NLRX1: variants seen among roughly 807,000 people sequenced by gnomAD.
NLRX1 encodes the protein NOD-like receptor X1.
Under a neutral mutation model 74.2 loss-of-function variants are expected in NLRX1, and 67 were observed. The observed-to-expected ratio is 0.90, with a 90% confidence interval of 0.74 to 1.11. The LOEUF (loss-of-function observed/expected upper bound fraction) is 1.11. Among genes scored for constraint, NLRX1 ranks in the 50% least tolerant of loss-of-function variants. The pLI, the probability that NLRX1 is intolerant of heterozygous loss-of-function variation, is 0.00. For missense variants in NLRX1, 1,191 were observed against 1,305.4 expected (o/e 0.91, Z 1.35); for synonymous variants, 506 against 559.1 (o/e 0.91, Z 1.34).
chr11:119,180,572 A>G (rs1422935950), intron 7 of NLRX1, among the ~76,000 whole-genome samples: 1 of 151,968 alleles, frequency 6.6e-6, no homozygotes, highest in Non-Finnish European at 1.5e-5. Context: ...ATGGTGGTGC[A>G]TGCCTGTAAT....
Position 119,174,704 on chromosome 11 carries a change from C to T in NLRX1, c.1101C>T (p.Ala367=), listed in dbSNP as rs745554151. ...AGGGGCACCACCAGATAGCCGCTGC[C>T]TGCTTCCTGCCGTCCTATTGCTGGC... ...NLEGHHQIAA[A]CFLPSYCWLV... is the part of the protein sequence containing the mutation. Residue 367 remains alanine, a synonymous_variant, in exon 6 of 10, where the codon GCC becomes GCT. Transcript: ENST00000409109. The T allele has an allele frequency of 1.2e-6, 2 of 1,613,854 alleles. No homozygotes were observed. Among genetic ancestry groups the T allele is most frequent in the Non-Finnish European group, 1.7e-6 (2 of 1,180,052 alleles).
chr11:119,171,990 C>T (rs564436251), intron 2 of NLRX1, among the ~76,000 whole-genome samples: 60 of 151,868 alleles, frequency 4.0e-4, no homozygotes, highest in African/African-American at 1.2e-3. Flanking sequence ...AGATCATCTT[C>T]GAGAGTCTCT....
chr11:119,179,096 G>A (rs1019817134), intron 6 of NLRX1, among the ~76,000 whole-genome samples: 19 of 152,284 alleles, frequency 1.2e-4, no homozygotes, highest in African/African-American at 4.6e-4. Context: ...CATCGTAGTC[G>A]GCAGGGCCCA....
intron 8 of NLRX1, chr11:119,181,483 T>C (rs1161551053): frequency 7.6e-6 from 4 of 528,964 alleles, no homozygotes; most frequent in Non-Finnish European, 1.4e-5. Context: ...GTGGCTAAAA[T>C]CAGCCTGGGG....
chr11:119,183,118 C>G lies in NLRX1; in HGVS notation c.2607C>G (p.His869Gln). 6.2e-7 allele frequency: 1 copy of G among 1,613,624 alleles called. No homozygotes were observed. The highest frequency in any genetic ancestry group is 8.5e-7 in the Non-Finnish European group (1 of 1,179,806). Residue 869 changes from histidine (H) to glutamine (Q), a missense_variant and splice_region_variant, in exon 10 of 10, where the codon CAC (histidine) becomes CAG (glutamine). His to Gln is a conservative substitution (Grantham distance 24). Transcript: ENST00000409109. This position sits in a 1 kb window ranked among gnomAD's most constrained non-coding sequence, Gnocchi z 5.7. ...AREHPSLELLHLYFNELSSEG... is the reference protein window; with the variant it reads ...AREHPSLELLQLYFNELSSEG... ...GCATCGACTTTCTCTCTCCTGCCAG[C>G]CTCTACTTCAATGAGCTGAGCTCAG...
rs766402112 is a variant in NLRX1, at chr11:119,182,077, G to A, written c.2355-17G>A. ...TCTCAATGAGCCCTCATAACCTTGGGTTGCACGTGGCTGTAGGCTGTCCAA... is the reference window on the plus strand; with the variant it reads ...TCTCAATGAGCCCTCATAACCTTGGATTGCACGTGGCTGTAGGCTGTCCAA... On this transcript the variant is annotated splice_polypyrimidine_tract_variant and intron_variant, in intron 8 of 9. Coordinates refer to ENST00000409109, the MANE Select transcript of NLRX1 (RefSeq NM_001282144.2). 4.0e-5 allele frequency: 65 copies of A among 1,612,090 alleles called. 1 individual carries two copies. In the Admixed American group the frequency reaches 1.0e-3, roughly 26 times the overall value.
chr11:119,173,936 G>A lies in NLRX1; in HGVS notation c.687G>A (p.Leu229=). ...RYTPLKEVLP[L]MAAAGSHLLF... ...CGCCCCTGAAGGAGGTTCTGCCCCT[G>A]ATGGCTGCTGCTGGGTCCCACCTCC... The change falls in exon 5 of 10, where the codon CTG becomes CTA. Residue 229 remains leucine, a synonymous_variant. Transcript: ENST00000409109. The surrounding 1 kb of genome is among the most constrained non-coding windows in gnomAD (Gnocchi z 4.0). 6.2e-7 allele frequency: 1 copy of A among 1,613,940 alleles called. No individual in the cohort carries two copies. Among genetic ancestry groups the A allele is most frequent in the Non-Finnish European group, 8.5e-7 (1 of 1,180,034 alleles).
rs61730045 is a variant in NLRX1, at chr11:119,183,342, G to T, written c.2831G>T (p.Arg944Leu). The T allele has an allele frequency of 6.2e-7, 1 of 1,614,220 alleles. No individual in the cohort carries two copies. The highest frequency in any genetic ancestry group is 1.7e-5 in the Admixed American group (1 of 60,026). ...CTACTGCGGGATCTGGAAGATAGCC[G>T]GGGTGCCACCCTTAATCCTTGGCGC... The part of the protein sequence containing the change: ...ELLLRDLEDS[R>L]GATLNPWRKA... The change falls in exon 10 of 10, where the codon CGG becomes CTG. Residue 944 changes from arginine to leucine, a missense_variant. Coordinates refer to ENST00000409109, the MANE Select transcript of NLRX1 (RefSeq NM_001282144.2). The surrounding 1 kb of genome is among the most constrained non-coding windows in gnomAD (Gnocchi z 5.7).
chr11:119,168,511 C>T (rs1948456433), upstream of NLRX1: 1 of 152,234 alleles, frequency 6.6e-6, no homozygotes, highest in African/African-American at 2.4e-5. Flanking sequence ...CTCAGGGAGG[C>T]CCAGGGGTAA....
intron 5 of NLRX1, 149 bp downstream of exon 5, chr11:119,174,247 T>G (rs1170015022): frequency 3.4e-6 from 4 of 1,160,346 alleles, no homozygotes; most frequent in African/African-American, 3.1e-5. Flanking sequence ...CCTTTCTTTT[T>G]GAGTTGCTCT....
chr11:119,182,251 C>T lies in NLRX1; in HGVS notation c.2512C>T (p.Gln838Ter). Residue 838 changes from glutamine (Q) to a stop codon, truncating the protein, a stop_gained, in exon 9 of 10, where the codon CAG becomes TAG. Transcript: ENST00000409109. LOFTEE classifies it high-confidence loss of function. The part of the protein sequence containing the change: ...AAQLDRNRQL[Q>*]ELNVAYNGAG... ...CCAGCTGGACCGCAACCGGCAGCTG[C>T]AGGAGCTGAACGTGGCGTACAACGG... 6.2e-7 allele frequency: 1 copy of T among 1,613,836 alleles called. No homozygotes were observed. The highest frequency in any genetic ancestry group is 8.5e-7 in the Non-Finnish European group (1 of 1,180,034).
chr11:119,172,272 G>A, intron 2 of NLRX1, 84 bp from the exon 3 acceptor site: 1 of 1,058,486 alleles, frequency 9.4e-7, no homozygotes, highest in African/African-American at 1.6e-5. Flanking sequence ...TGCTATGAGA[G>A]CAAATACTGG....
chr11:119,173,467 C>T lies in NLRX1; in HGVS notation c.230-12C>T. The T allele has an allele frequency of 1.2e-6, 2 of 1,608,278 alleles. No individual in the cohort carries two copies. The highest frequency in any genetic ancestry group is 1.7e-6 in the Non-Finnish European group (2 of 1,177,374). ...CCTTTCCCTGACACATTTCCCTTAT[C>T]TTCCCACTCAGAAGCTATACAGCGG... On this transcript the variant is annotated splice_polypyrimidine_tract_variant and intron_variant, in intron 4 of 9. Transcript: ENST00000409109. This position sits in a 1 kb window ranked among gnomAD's most constrained non-coding sequence, Gnocchi z 4.0.
In NLRX1 at chr11:119,183,677, C is replaced by T. The variant is rs187703581; in HGVS notation, c.*238C>T. On this transcript the variant is annotated 3_prime_UTR_variant, in exon 10 of 10. Coordinates refer to ENST00000409109, the MANE Select transcript of NLRX1 (RefSeq NM_001282144.2). This position sits in a 1 kb window ranked among gnomAD's most constrained non-coding sequence, Gnocchi z 5.7. ...CTTGGAGATGGAACATGCCTCCTCT[C>T]CATTCAGCTAGAAGGACCAAAGCAT... 1 of 739,344 alleles carries T rather than the reference C, an allele frequency of 1.4e-6. No homozygotes were observed. Among genetic ancestry groups the T allele is most frequent in the South Asian group, 1.4e-5 (1 of 70,054 alleles). 45.8% of individuals were successfully genotyped at this position (739,344 alleles called of 1,614,324 possible). A position where few individuals can be genotyped will look rare whatever the true frequency, so the allele number is the denominator to read the frequency against.
intron 6 of NLRX1, among the ~76,000 whole-genome samples, chr11:119,176,055 G>A (rs1257927341): frequency 6.6e-6 from 1 of 152,124 alleles, no homozygotes; most frequent in Non-Finnish European, 1.5e-5. Flanking sequence ...AAAAGCCCAG[G>A]GCTTTGTGAT....
In NLRX1 at chr11:119,173,733, G is replaced by A. The variant is rs1363931794; in HGVS notation, c.484G>A (p.Val162Met). 3 of 1,613,782 alleles carry A rather than the reference G, an allele frequency of 1.9e-6. No homozygotes were observed. Among genetic ancestry groups the A allele is most frequent in the East Asian group, 2.2e-5 (1 of 44,900 alleles). The change falls in exon 5 of 10, where the codon GTG becomes ATG. Residue 162 changes from valine (V) to methionine (M), a missense_variant. Val to Met is a conservative substitution (Grantham distance 21, BLOSUM62 1). Transcript: ENST00000409109. This position sits in a 1 kb window ranked among gnomAD's most constrained non-coding sequence, Gnocchi z 4.0. The part of the protein sequence containing the change: ...PDACGRRVQT[V>M]VLYGTVGTGK... Reference sequence around the variant, plus strand: ...TGCCTGTGGGCGCCGGGTGCAGACAGTGGTGCTGTATGGGACAGTGGGCAC... The same window carrying A: ...TGCCTGTGGGCGCCGGGTGCAGACAATGGTGCTGTATGGGACAGTGGGCAC...
At position 119,180,025 on chromosome 11, in the gene NLRX1, G is replaced by A; in HGVS notation, c.2004G>A (p.Gln668=). Residue 668 remains glutamine, a synonymous_variant, in exon 7 of 10, where the codon CAG becomes CAA. Transcript: ENST00000409109. ...IKKKLGKLGR[Q]VLPPSELLDH... is the part of the protein sequence containing the mutation. Reference sequence around the variant, plus strand: ...AGAAGCTGGGCAAGCTGGGCCGGCAGGTGCTGCCCCCATCAGAGCTCCTTG... The same window carrying A: ...AGAAGCTGGGCAAGCTGGGCCGGCAAGTGCTGCCCCCATCAGAGCTCCTTG... The A allele has an allele frequency of 6.2e-7, 1 of 1,613,656 alleles. No individual in the cohort carries two copies.
chr11:119,177,274 G>A (rs955286972), intron 6 of NLRX1, among the ~76,000 whole-genome samples: 1 of 150,408 alleles, frequency 6.6e-6, no homozygotes, highest in Non-Finnish European at 1.5e-5. Flanking sequence ...TAGAGACAGG[G>A]TTTCTCCATG....
intron 7 of NLRX1, 96 bp downstream of exon 7, chr11:119,180,384 T>C (rs1219184483): frequency 1.0e-6 from 1 of 993,976 alleles, no homozygotes; most frequent in Non-Finnish European, 1.4e-6. Context: ...GAGGTACCGA[T>C]GAGTGACCAG....
Sources: allele counts gnomAD v4.1 joint callset (sites outside exome capture counted in the v4.1 genomes callset), GRCh38; gene constraint gnomAD v4.1.1; non-coding constraint Gnocchi (gnomAD v3.1); transcripts MANE v1.5; gene names NCBI Gene and HGNC (gene_info 2026-07-23, HGNC 2026-07-21).